The following CLDN14 variants were observed in gnomAD, a reference collection of about 807,000 sequenced individuals.
CLDN14 encodes the protein claudin 14, also known as claudin-14.
Under a neutral mutation model 2.1 loss-of-function variants are expected in CLDN14, and 2 were observed. The observed-to-expected ratio is 0.96, with a 90% confidence interval of 0.39 to 3.01. CLDN14 has a LOEUF of 3.01. CLDN14 is among the 30% of genes most tolerant of loss of function. The pLI, the probability that CLDN14 is intolerant of heterozygous loss-of-function variation, is 0.09. For synonymous variants in CLDN14, 136 were observed against 154.4 expected (o/e 0.88, Z 0.88); for missense variants, 298 against 328.0 (o/e 0.91, Z 0.71).
chr21:36,572,023 G>C (rs1433123062), intron 1 of CLDN14, among the ~76,000 whole-genome samples: 2 of 152,192 alleles, frequency 1.3e-5, no homozygotes, highest in African/African-American at 4.8e-5. Flanking sequence ...ATAAGATCTA[G>C]CAACGGAATT....
intron 1 of CLDN14, among the ~76,000 whole-genome samples, chr21:36,573,003 G>A (rs2087719340): frequency 6.6e-6 from 1 of 152,226 alleles, no homozygotes; most frequent in Non-Finnish European, 1.5e-5. Flanking sequence ...GAAATACACT[G>A]TAAGAATTGG....
upstream of CLDN14, among the ~76,000 whole-genome samples, chr21:36,484,901 G>A (rs2086879665): frequency 6.6e-6 from 1 of 151,672 alleles, no homozygotes; most frequent in Non-Finnish European, 1.5e-5. Context: ...TAGTGGAGGC[G>A]GGGTTTCTCC....
rs1354837271 is a variant in CLDN14 at position 36,499,625 on chromosome 21, GT to G, written c.-82+10737del. 1.3e-5 allele frequency among the ~76,000 whole-genome samples: 2 copies of G among 152,140 alleles called. No individual in the cohort carries two copies. The highest frequency in any genetic ancestry group is 4.8e-5 in the African/African-American group (2 of 41,418). ...CAGGAGGGGAGGTTAGGAATCTGTG[GT>G]TTTATGTCAGCCCCTGTTCCAGTCC... On this transcript the variant is annotated intron_variant, in intron 2 of 2. Coordinates refer to the CLDN14 transcript ENST00000342108. The surrounding 1 kb of genome is among the most constrained non-coding windows in gnomAD (Gnocchi z 4.7).
intron 1 of CLDN14, among the ~76,000 whole-genome samples, chr21:36,530,080 C>A (rs1038087283): frequency 6.6e-6 from 1 of 152,112 alleles, no homozygotes; most frequent in Non-Finnish European, 1.5e-5. Flanking sequence ...GTCTTTGCAT[C>A]GGATTTCAGT....
chr21:36,523,777 AAGAG>A (rs1555851385), intron 1 of CLDN14, among the ~76,000 whole-genome samples: 30,549 of 68,788 alleles, frequency 0.44, 9,685 homozygotes, highest in Non-Finnish European at 0.57. Context: ...GAAAGAGAGA[AAGAG>A]AGAAAGAAAG....
chr21:36,565,103 A>G (rs1354182235), intron 1 of CLDN14, among the ~76,000 whole-genome samples: 1 of 152,224 alleles, frequency 6.6e-6, no homozygotes, highest in East Asian at 1.9e-4. Flanking sequence ...ACGGGAAGCT[A>G]ACACAGTTCC....
chr21:36,524,576 G>T (rs2087308821), intron 1 of CLDN14, among the ~76,000 whole-genome samples: 1 of 152,238 alleles, frequency 6.6e-6, no homozygotes, highest in Admixed American at 6.5e-5. Flanking sequence ...ACGTGACCGT[G>T]CTGTGGGCCT....
intron 1 of CLDN14, among the ~76,000 whole-genome samples, chr21:36,560,348 C>T (rs1372210461): frequency 6.6e-6 from 1 of 151,712 alleles, no homozygotes; most frequent in Non-Finnish European, 1.5e-5. Flanking sequence ...GGTCCCTTAA[C>T]TATATTTGGA....
At chr21:36,533,343 T>C (rs892474624) in intron 1 of CLDN14, among the ~76,000 whole-genome samples, 2 of 152,166 alleles carry the variant, frequency 1.3e-5, no homozygotes, top group Non-Finnish European at 2.9e-5. Flanking sequence ...GTTGGTGACA[T>C]TGGGTGTGAC....
intron 1 of CLDN14, among the ~76,000 whole-genome samples, chr21:36,556,032 A>G (rs1170151637): frequency 6.6e-6 from 1 of 152,166 alleles, no homozygotes; most frequent in African/African-American, 2.4e-5. Flanking sequence ...ATCAGCTCCC[A>G]GTCACAGTGT....
intron 1 of CLDN14, among the ~76,000 whole-genome samples, chr21:36,554,093 C>T (rs2087581737): frequency 6.6e-6 from 1 of 152,148 alleles, no homozygotes; most frequent in South Asian, 2.1e-4. Flanking sequence ...ATGCCTCTGT[C>T]TGTAAGTTCC....
chr21:36,517,255 C>A (rs947258427), intron 1 of CLDN14, among the ~76,000 whole-genome samples: 1 of 152,208 alleles, frequency 6.6e-6, no homozygotes, highest in African/African-American at 2.4e-5. Context: ...TGGAACACAG[C>A]CACATTCGTT....
At chr21:36,494,164 G>A (rs2086994372) in intron 2 of CLDN14, among the ~76,000 whole-genome samples, 1 of 152,222 alleles carries the variant, frequency 6.6e-6, no homozygotes, top group Non-Finnish European at 1.5e-5. Flanking sequence ...CAGACCGGGA[G>A]ACCATCTTCT....
chr21:36,498,607 G>C lies in CLDN14; in HGVS notation c.-82+11756C>G, dbSNP rs558409380. 9.5e-4 allele frequency among the ~76,000 whole-genome samples: 145 copies of C among 152,310 alleles called. No homozygotes were observed. The highest frequency in any genetic ancestry group is 3.1e-3 in the African/African-American group (129 of 41,562). ...AACTGAGCACTGTTGCAGGCGATGG[G>C]GACGTGGAACTGGTAGGACCGATGG... On this transcript the variant is annotated intron_variant, in intron 2 of 2. Coordinates refer to the CLDN14 transcript ENST00000342108. This position sits in a 1 kb window ranked among gnomAD's most constrained non-coding sequence, Gnocchi z 4.9.
At chr21:36,545,431 G>A (rs1160538102) in intron 1 of CLDN14, among the ~76,000 whole-genome samples, 2 of 152,120 alleles carry the variant, frequency 1.3e-5, no homozygotes, top group Admixed American at 1.3e-4. Flanking sequence ...CTGGAGGCAA[G>A]GGAGTCCCTT....
At chr21:36,492,493 G>A (rs1447635002) in intron 2 of CLDN14, among the ~76,000 whole-genome samples, 4 of 149,624 alleles carry the variant, frequency 2.7e-5, no homozygotes, top group Non-Finnish European at 5.9e-5. Flanking sequence ...GCAGGGCATG[G>A]TGGCGAGCAC....
At chr21:36,484,857 C>A (rs1357640618), upstream of CLDN14, among the ~76,000 whole-genome samples, 3 of 152,154 alleles carry the variant, frequency 2.0e-5, no homozygotes, top group Non-Finnish European at 4.4e-5. Context: ...GGATTACAGG[C>A]ATGCACCGCC....
intron 1 of CLDN14, among the ~76,000 whole-genome samples, chr21:36,470,148 G>A (rs188132580): frequency 2.7e-4 from 41 of 152,308 alleles, no homozygotes; most frequent in African/African-American, 9.9e-4. Context: ...TGTTCTGTGG[G>A]AACACTTTAT....
chr21:36,506,249 T>C (rs1483540524), intron 2 of CLDN14, among the ~76,000 whole-genome samples: 1 of 152,164 alleles, frequency 6.6e-6, no homozygotes, highest in African/African-American at 2.4e-5. Context: ...CAATGTTAAG[T>C]GAAGGAAGCA....
Sources: allele counts gnomAD v4.1 joint callset (sites outside exome capture counted in the v4.1 genomes callset), GRCh38; gene constraint gnomAD v4.1.1; non-coding constraint Gnocchi (gnomAD v3.1); transcripts MANE v1.5; gene names NCBI Gene and HGNC (gene_info 2026-07-23, HGNC 2026-07-21).